CPPED1: variants seen among roughly 807,000 people sequenced by gnomAD.
The protein encoded by CPPED1 is serine/threonine-protein phosphatase CPPED1.
CPPED1 carries 28 observed loss-of-function variants against 28.0 expected under a neutral mutation model. That is an observed-to-expected ratio of 1.00 (90% CI 0.74 to 1.37). The LOEUF (loss-of-function observed/expected upper bound fraction) is 1.37. Ranked by LOEUF, CPPED1 falls within the 40% of genes most tolerant of loss-of-function variation. The pLI, the probability that CPPED1 is intolerant of heterozygous loss-of-function variation, is 0.00. For missense variants in CPPED1, 504 were observed against 416.5 expected (o/e 1.21, Z -1.83); for synonymous variants, 198 against 180.2 (o/e 1.10, Z -0.79).
At chr16:12,731,645 C>A (rs891166759) in intron 2 of CPPED1, among the ~76,000 whole-genome samples, 3 of 151,480 alleles carry the variant, frequency 2.0e-5, no homozygotes, top group African/African-American at 7.3e-5. Context: ...GCCTTCATCA[C>A]GCGATGGTGA....
At chr16:12,742,275 G>T (rs2080260197) in intron 2 of CPPED1, among the ~76,000 whole-genome samples, 1 of 152,236 alleles carries the variant, frequency 6.6e-6, no homozygotes, top group Non-Finnish European at 1.5e-5. Context: ...AAAAGCAACT[G>T]GTTGCATAGC....
intron 3 of CPPED1, among the ~76,000 whole-genome samples, chr16:12,668,026 A>G (rs557165414): frequency 1.3e-5 from 2 of 152,354 alleles, no homozygotes; most frequent in East Asian, 3.8e-4. Flanking sequence ...CACAGATAGC[A>G]GGAATCTTAA....
intron 3 of CPPED1, among the ~76,000 whole-genome samples, chr16:12,677,303 G>C (rs144363499): frequency 6.6e-6 from 1 of 152,348 alleles, no homozygotes; most frequent in South Asian, 2.1e-4. Context: ...CCAGAGGGCT[G>C]CATGGGGCTA....
intron 3 of CPPED1, among the ~76,000 whole-genome samples, chr16:12,678,482 C>G (rs1290113095): frequency 6.6e-6 from 1 of 152,102 alleles, no homozygotes; most frequent in African/African-American, 2.4e-5. Context: ...GAATCTGTCG[C>G]TCAATCGGGG....
At chr16:12,752,685 A>G in intron 2 of CPPED1, among the ~76,000 whole-genome samples, 1 of 147,384 alleles carries the variant, frequency 6.8e-6, no homozygotes. Flanking sequence ...TTATATATAT[A>G]AAATCTTGCA....
intron 3 of CPPED1, among the ~76,000 whole-genome samples, chr16:12,695,956 T>C (rs1475618424): frequency 1.3e-5 from 2 of 152,240 alleles, no homozygotes; most frequent in African/African-American, 2.4e-5. Context: ...GATCAAATTT[T>C]ATCACTACAT....
intron 2 of CPPED1, among the ~76,000 whole-genome samples, chr16:12,721,521 G>C (rs1429588677): frequency 6.6e-6 from 1 of 152,134 alleles, no homozygotes; most frequent in East Asian, 1.9e-4. Flanking sequence ...GGGAGGCTGA[G>C]GCAGGCGCAT....
chr16:12,765,891 C>T (rs2080435225), intron 2 of CPPED1, among the ~76,000 whole-genome samples: 1 of 152,062 alleles, frequency 6.6e-6, no homozygotes, highest in African/African-American at 2.4e-5. Context: ...GACCAATTAC[C>T]TGATAATTGA....
At position 12,758,325 on chromosome 16, in the gene CPPED1, A is replaced by G. The variant is rs142535332; in HGVS notation, c.289+22860T>C. On this transcript the variant is annotated intron_variant, in intron 2 of 3. Coordinates refer to ENST00000381774, the MANE Select transcript of CPPED1 (RefSeq NM_018340.3). Reference sequence around the variant, plus strand: ...GGGTCCAGGAGCATGCCTGTGGACAAATAGCTCCTAAATGACATTGAGTTT... The same window carrying G: ...GGGTCCAGGAGCATGCCTGTGGACAGATAGCTCCTAAATGACATTGAGTTT... Among the ~76,000 whole-genome samples, 498 of 152,308 alleles carry G rather than the reference A, an allele frequency of 3.3e-3. 2 individuals carry two copies. Among genetic ancestry groups the G allele is most frequent in the Middle Eastern group, 0.017 (5 of 294 alleles).
intron 1 of CPPED1, among the ~76,000 whole-genome samples, chr16:12,790,279 A>AGCAG (rs1288926618): frequency 6.6e-6 from 1 of 152,216 alleles, no homozygotes; most frequent in Non-Finnish European, 1.5e-5. Context: ...TGTCTCTGCT[A>AGCAG]ATACATTTCC....
chr16:12,764,433 G>A (rs2080427786), intron 2 of CPPED1, among the ~76,000 whole-genome samples: 1 of 152,012 alleles, frequency 6.6e-6, no homozygotes, highest in Non-Finnish European at 1.5e-5. Context: ...GAATTCCTGA[G>A]CTCAAGTGAT....
chr16:12,766,693 A>G (rs2141229941), intron 2 of CPPED1, among the ~76,000 whole-genome samples: 1 of 152,128 alleles, frequency 6.6e-6, no homozygotes, highest in East Asian at 1.9e-4. Flanking sequence ...TGCTTGAACC[A>G]GGGGGGCGCA....
chr16:12,727,191 TG>T (rs996435927), intron 2 of CPPED1, among the ~76,000 whole-genome samples: 25 of 152,194 alleles, frequency 1.6e-4, no homozygotes, highest in African/African-American at 5.5e-4. Flanking sequence ...TAGACACTGT[TG>T]GAATGTCTCC....
chr16:12,672,404 G>T (rs1256998221), intron 3 of CPPED1, among the ~76,000 whole-genome samples: 1 of 152,188 alleles, frequency 6.6e-6, no homozygotes, highest in Non-Finnish European at 1.5e-5. Context: ...TTTATTTATG[G>T]AAGACCTGTT....
intron 3 of CPPED1, among the ~76,000 whole-genome samples, chr16:12,681,571 CT>C (rs1225100363): frequency 6.6e-6 from 1 of 152,126 alleles, no homozygotes; most frequent in Non-Finnish European, 1.5e-5. Flanking sequence ...ATATTCTTCC[CT>C]TTTCAAAGCT....
intron 3 of CPPED1, among the ~76,000 whole-genome samples, chr16:12,676,192 G>C (rs1028778869): frequency 1.3e-5 from 2 of 152,192 alleles, no homozygotes; most frequent in Admixed American, 1.3e-4. Flanking sequence ...GGGACATGGT[G>C]GAAGGGATCC....
rs8049355 is a variant in CPPED1 at position 12,682,980 on chromosome 16, G to A, written c.716-17865C>T. The stretch of plus-strand genomic sequence containing the variant: ...GATTGTTTTGACTGACAGAATGTTC[G>A]TGTATCAAATTGGAAATCCATCCAA... On this transcript the variant is annotated intron_variant, in intron 3 of 3. Transcript: ENST00000381774. This position sits in a 1 kb window ranked among gnomAD's most constrained non-coding sequence, Gnocchi z 6.1. 0.24 allele frequency among the ~76,000 whole-genome samples: 36,017 copies of A among 152,132 alleles called. 8,094 individuals carry two copies. The highest frequency in any genetic ancestry group is 0.6 in the African/African-American group (24,727 of 41,470).
At chr16:12,787,267 C>A (rs1262067159) in intron 1 of CPPED1, among the ~76,000 whole-genome samples, 1 of 152,098 alleles carries the variant, frequency 6.6e-6, no homozygotes, top group Non-Finnish European at 1.5e-5. Context: ...AGACTATAAA[C>A]TTTGGAAACA....
intron 1 of CPPED1, among the ~76,000 whole-genome samples, chr16:12,786,270 C>A (rs1299564651): frequency 6.6e-6 from 1 of 152,168 alleles, no homozygotes; most frequent in Non-Finnish European, 1.5e-5. Context: ...TTTTACTGAA[C>A]CCCGGGGTGA....
Sources: gnomAD v4.1 joint callset for allele counts (sites outside exome capture counted in the v4.1 genomes callset) on GRCh38, gnomAD v4.1.1 for gene constraint, Gnocchi (gnomAD v3.1) non-coding constraint, MANE v1.5 for transcripts, NCBI Gene and HGNC (gene_info 2026-07-23, HGNC 2026-07-21) for gene names.